PPP6R2: variants seen among roughly 807,000 people sequenced by gnomAD.
PPP6R2 encodes serine/threonine-protein phosphatase 6 regulatory subunit 2.
A neutral mutation model predicts 100.2 loss-of-function variants in PPP6R2; 62 were observed. The observed-to-expected ratio is 0.62, with a 90% CI of 0.50 to 0.76. The LOEUF (loss-of-function observed/expected upper bound fraction) is 0.76. Among genes scored for constraint, PPP6R2 ranks in the 30% least tolerant of loss-of-function variants. PPP6R2 has a pLI of 0.00. For synonymous variants in PPP6R2, 525 were observed against 514.7 expected, an observed-to-expected ratio of 1.02 and a Z score of -0.27; for missense variants, 1,142 against 1,276.3, an observed-to-expected ratio of 0.89 and a Z score of 1.60.
chr22:50,349,867 A>C (rs1224706131), intron 1 of PPP6R2, among the ~76,000 whole-genome samples: 1 of 143,354 alleles, frequency 7.0e-6, no homozygotes, highest in African/African-American at 2.6e-5. Context: ...CCACGCCTGT[A>C]ATCAGTTTGG....
At chr22:50,348,815 C>T (rs1000295598) in intron 1 of PPP6R2, among the ~76,000 whole-genome samples, 1 of 152,078 alleles carries the variant, frequency 6.6e-6, no homozygotes, top group African/African-American at 2.4e-5. Flanking sequence ...CGCCTGTAAT[C>T]CCAGCACTTT....
chr22:50,348,651 C>A (rs141233914), intron 1 of PPP6R2, among the ~76,000 whole-genome samples: 4 of 151,918 alleles, frequency 2.6e-5, no homozygotes, highest in Admixed American at 6.6e-5. Flanking sequence ...CTGAGAAGTC[C>A]GAGGGTCACT....
chr22:50,438,565 G>A (rs1482154953), intron 18 of PPP6R2, 34 bp from the exon 19 acceptor site: 1 of 1,610,984 alleles, frequency 6.2e-7, no homozygotes, highest in African/African-American at 1.3e-5. Context: ...GTCCGTCCTG[G>A]GCCACCAGAC....
intron 1 of PPP6R2, among the ~76,000 whole-genome samples, chr22:50,368,514 T>A (rs1434403762): frequency 6.6e-6 from 1 of 152,238 alleles, no homozygotes; most frequent in Admixed American, 6.5e-5. Context: ...TATTATAATA[T>A]TGGAATAAAG....
intron 5 of PPP6R2, among the ~76,000 whole-genome samples, chr22:50,415,593 G>A (rs984937659): frequency 4.6e-5 from 7 of 152,242 alleles, no homozygotes; most frequent in South Asian, 2.1e-4. Flanking sequence ...GCAGCAGTGC[G>A]GTGCGGTAGC....
intron 2 of PPP6R2, among the ~76,000 whole-genome samples, chr22:50,381,769 A>G (rs944932175): frequency 3.3e-5 from 5 of 152,000 alleles, no homozygotes; most frequent in African/African-American, 9.7e-5. Flanking sequence ...TTAGCCGGGC[A>G]CGGTGGCGGG....
intron 3 of PPP6R2, among the ~76,000 whole-genome samples, chr22:50,398,353 A>G (rs2057453148): frequency 6.6e-6 from 1 of 150,908 alleles, no homozygotes; most frequent in Non-Finnish European, 1.5e-5. Context: ...TTGTATTTTT[A>G]GTAGAGACAG....
intron 3 of PPP6R2, among the ~76,000 whole-genome samples, chr22:50,405,911 T>G (rs1236776251): frequency 3.2e-4 from 13 of 41,210 alleles, no homozygotes; most frequent in Admixed American, 6.9e-4. Context: ...GGCAGGCGAG[T>G]GTGAAGGCCT....
Position 50,444,096 on chromosome 22 carries a change from TG to T in PPP6R2, c.2814del (p.Thr939GlnfsTer2). On this transcript the variant is annotated frameshift_variant, in exon 23 of 24. Coordinates refer to ENST00000612753, the MANE Select transcript of PPP6R2 (RefSeq NM_001242898.2). LOFTEE classifies it high-confidence loss of function. ...VTAAPAMVAT[L>X]GTVTKDGKTD... ...GCAGCCCCAGCCATGGTGGCCACCC[TG>T]GGGACAGTGACAAAGGACGGGTGAG... The T allele has an allele frequency of 6.2e-7, 1 of 1,612,514 alleles. No individual in the cohort carries two copies. The highest frequency in any genetic ancestry group is 8.5e-7 in the Non-Finnish European group (1 of 1,179,138).
At chr22:50,439,585 C>G in intron 19 of PPP6R2, 116 bp from the exon 20 acceptor site, 1 of 1,170,528 alleles carries the variant, frequency 8.5e-7, no homozygotes, top group African/African-American at 1.6e-5. Flanking sequence ...CCTCCTGGAG[C>G]AGCCCCATCT....
chr22:50,411,086 C>T (rs181132311), intron 4 of PPP6R2, among the ~76,000 whole-genome samples: 7 of 152,194 alleles, frequency 4.6e-5, no homozygotes, highest in African/African-American at 7.2e-5. Context: ...CCCCCACACC[C>T]GGCCTTTAAA....
chr22:50,436,464 C>T lies in PPP6R2; in HGVS notation c.1602+12C>T, dbSNP rs13054572. The T allele has an allele frequency of 0.27, 421,850 of 1,573,790 alleles. 58,058 individuals carry two copies. Among genetic ancestry groups the T allele is most frequent in the Middle Eastern group, 0.3 (1,709 of 5,632 alleles). ...ACACTGTGGACCTGGTGAGGAGGCT[C>T]GGGGCTGCCCCCTCGGTGCACGCAC... On this transcript the variant is annotated intron_variant, in intron 14 of 23. Coordinates refer to ENST00000612753, the MANE Select transcript of PPP6R2 (RefSeq NM_001242898.2).
chr22:50,361,734 A>G (rs139099134), intron 1 of PPP6R2, among the ~76,000 whole-genome samples: 3 of 152,076 alleles, frequency 2.0e-5, no homozygotes, highest in African/African-American at 4.8e-5. Context: ...TTGTTCTGGT[A>G]CTTGTTTTCC....
At chr22:50,409,168 C>CCTT (rs779983156) in intron 4 of PPP6R2, among the ~76,000 whole-genome samples, 26 of 152,138 alleles carry the variant, frequency 1.7e-4, no homozygotes, top group Admixed American at 3.3e-4. Context: ...ATGCCTTGAG[C>CCTT]CTTCCTCCTG....
In PPP6R2 at chr22:50,440,033, A is replaced by G; in HGVS notation, c.2358A>G (p.Gln786=). Residue 786 remains glutamine (Q), a synonymous_variant, in exon 21 of 24, where the codon CAA becomes CAG. Transcript: ENST00000612753. ...GCCATGCTGAGGGCAGCCGGAGCCA[A>G]GGCCCTGAGAAAGCCTGTGAGTAGG... ...ECSHAEGSRS[Q]GPEKAFSPAS... 6.2e-7 allele frequency: 1 copy of G among 1,613,082 alleles called. No individual in the cohort carries two copies. The highest frequency in any genetic ancestry group is 8.5e-7 in the Non-Finnish European group (1 of 1,179,728).
intron 8 of PPP6R2, 32 bp from the exon 9 acceptor site, chr22:50,422,221 TC>T (rs2061434986): frequency 6.2e-7 from 1 of 1,605,056 alleles, no homozygotes; most frequent in Admixed American, 1.7e-5. Context: ...GGTCCTGGTG[TC>T]CCCGGTCTCC....
chr22:50,412,543 TAG>T (rs1348568487), intron 4 of PPP6R2, among the ~76,000 whole-genome samples: 1 of 151,856 alleles, frequency 6.6e-6, no homozygotes, highest in African/African-American at 2.4e-5. Context: ...CTTCTCTGTA[TAG>T]AGAGCCTATT....
chr22:50,386,132 T>G (rs1323806708), intron 2 of PPP6R2, among the ~76,000 whole-genome samples: 1 of 148,288 alleles, frequency 6.7e-6, no homozygotes, highest in Non-Finnish European at 1.5e-5. Flanking sequence ...GACAAGGTTT[T>G]TTTTGTTTTG....
At chr22:50,391,156 A>G (rs1401582955) in intron 2 of PPP6R2, among the ~76,000 whole-genome samples, 2 of 146,212 alleles carry the variant, frequency 1.4e-5, no homozygotes, top group Non-Finnish European at 3.0e-5. Flanking sequence ...AACATAGTCC[A>G]GGCGCGGTGG....
Sources: allele counts gnomAD v4.1 joint callset (sites outside exome capture counted in the v4.1 genomes callset), GRCh38; gene constraint gnomAD v4.1.1; transcripts MANE v1.5; gene names NCBI Gene and HGNC (gene_info 2026-07-23, HGNC 2026-07-21).